PDZRN4: variants seen among roughly 807,000 people sequenced by gnomAD.
The protein encoded by PDZRN4 is PDZ domain containing ring finger 4.
Under a neutral mutation model 99.0 loss-of-function variants are expected in PDZRN4, and 70 were observed. That is an observed-to-expected ratio of 0.71 (90% CI 0.58 to 0.86). The LOEUF is 0.86. Among genes scored for constraint, PDZRN4 ranks in the 40% least tolerant of loss-of-function variants. PDZRN4 has a pLI of 0.00. For missense variants in PDZRN4, 1,474 were observed against 1,331.2 expected, an observed-to-expected ratio of 1.11 and a Z score of -1.67; for synonymous variants, 551 against 501.6, an observed-to-expected ratio of 1.10 and a Z score of -1.32.
At chr12:41,417,342 C>A (rs1311011070) in intron 3 of PDZRN4, among the ~76,000 whole-genome samples, 1 of 152,184 alleles carries the variant, frequency 6.6e-6, no homozygotes, top group Non-Finnish European at 1.5e-5. Context: ...AGTGCCATTG[C>A]TAGCACAAAC....
At chr12:41,194,023 C>T in intron 2 of PDZRN4, 58 bp from the exon 3 acceptor site, 1 of 771,632 alleles carries the variant, frequency 1.3e-6, no homozygotes, top group East Asian at 2.5e-5. Context: ...TAAATTGTCC[C>T]TAATAATATT....
At chr12:41,354,047 A>G (rs1951910310) in intron 3 of PDZRN4, among the ~76,000 whole-genome samples, 1 of 152,128 alleles carries the variant, frequency 6.6e-6, no homozygotes. Context: ...ATGATCATAT[A>G]GGAGAAGTGG....
intron 3 of PDZRN4, among the ~76,000 whole-genome samples, chr12:41,495,001 C>T (rs1342255735): frequency 2.6e-5 from 4 of 152,108 alleles, no homozygotes; most frequent in Non-Finnish European, 5.9e-5. Flanking sequence ...GTTCTACTTT[C>T]TTATGTTAAT....
At chr12:41,484,024 G>T (rs1937727523) in intron 3 of PDZRN4, among the ~76,000 whole-genome samples, 1 of 152,038 alleles carries the variant, frequency 6.6e-6, no homozygotes, top group Non-Finnish European at 1.5e-5. Context: ...CTAAATAGAT[G>T]AAAATATCTC....
chr12:41,188,897 G>T lies in PDZRN4; in HGVS notation c.442G>T (p.Gly148Trp). 9.1e-7 allele frequency: 1 copy of T among 1,093,012 alleles called. No individual in the cohort carries two copies. The highest frequency in any genetic ancestry group is 1.7e-5 in the African/African-American group (1 of 59,650). 67.7% of individuals were successfully genotyped at this position (1,093,012 alleles called of 1,614,324 possible). A position where few individuals can be genotyped will look rare whatever the true frequency, so the allele number is the denominator to read the frequency against. The change falls in exon 1 of 10, where the codon GGG (glycine) becomes TGG (tryptophan). Residue 148 changes from glycine to tryptophan, a missense_variant. Gly to Trp is a radical substitution (Grantham distance 184, BLOSUM62 -2). Coordinates refer to ENST00000402685, the MANE Select transcript of PDZRN4 (RefSeq NM_001164595.2). ...TGGCCGGGGCGGGGGCGCGCGCGGG[G>T]GGCCGCCGGGCGGCCGCTGGGGCCG... ...RAGRGGGARGGPPGGRWGRGR... is the reference protein window; with the variant it reads ...RAGRGGGARGWPPGGRWGRGR...
At chr12:41,340,463 G>T (rs921409237) in intron 3 of PDZRN4, among the ~76,000 whole-genome samples, 1 of 151,800 alleles carries the variant, frequency 6.6e-6, no homozygotes, top group Non-Finnish European at 1.5e-5. Flanking sequence ...AGGAAGTAGG[G>T]ATGGGTAATG....
At chr12:41,280,810 C>T (rs550217369) in intron 3 of PDZRN4, among the ~76,000 whole-genome samples, 11 of 152,290 alleles carry the variant, frequency 7.2e-5, no homozygotes, top group African/African-American at 2.2e-4. Flanking sequence ...AACGTTCATA[C>T]CTGCAGGCTC....
At chr12:41,496,446 C>T (rs1030697949) in intron 3 of PDZRN4, among the ~76,000 whole-genome samples, 4 of 152,052 alleles carry the variant, frequency 2.6e-5, no homozygotes, top group African/African-American at 9.7e-5. Flanking sequence ...AGTAGAGGCT[C>T]ATAGAGTTTC....
chr12:41,420,109 G>T (rs1218835749), intron 3 of PDZRN4, among the ~76,000 whole-genome samples: 1 of 152,112 alleles, frequency 6.6e-6, no homozygotes, highest in Non-Finnish European at 1.5e-5. Flanking sequence ...CTGAGTGCAA[G>T]GATATCTGAA....
chr12:41,465,646 C>A (rs189041925), intron 3 of PDZRN4, among the ~76,000 whole-genome samples: 2 of 152,306 alleles, frequency 1.3e-5, no homozygotes, highest in South Asian at 2.1e-4. Context: ...CTTCCCCTTT[C>A]CTTCTCCCCA....
intron 5 of PDZRN4, among the ~76,000 whole-genome samples, chr12:41,526,368 A>G (rs1938567583): frequency 6.6e-6 from 1 of 152,172 alleles, no homozygotes. Context: ...CTGGTTCACA[A>G]GTGCTGGAGA....
intron 3 of PDZRN4, among the ~76,000 whole-genome samples, chr12:41,416,380 C>A (rs1952445610): frequency 6.6e-6 from 1 of 152,118 alleles, no homozygotes; most frequent in African/African-American, 2.4e-5. Context: ...CACAGTGGCT[C>A]ACACCTGTAA....
chr12:41,459,894 A>G (rs1452793583), intron 3 of PDZRN4: 5 of 1,216,856 alleles, frequency 4.1e-6, no homozygotes, highest in African/African-American at 1.6e-5. Flanking sequence ...GAAAACTTCT[A>G]GAACAATTAC....
At chr12:41,527,299 C>G (rs540329027) in intron 5 of PDZRN4, among the ~76,000 whole-genome samples, 1 of 152,282 alleles carries the variant, frequency 6.6e-6, no homozygotes, top group South Asian at 2.1e-4. Context: ...AAAGACATGA[C>G]TGGACCATGG....
In PDZRN4 at chr12:41,574,556, A is replaced by G. The variant is rs1939547187; in HGVS notation, c.*666A>G. On this transcript the variant is annotated 3_prime_UTR_variant, in exon 10 of 10. Coordinates refer to ENST00000402685, the MANE Select transcript of PDZRN4 (RefSeq NM_001164595.2). ...ATTATGGTAATTGTGACAATTAAAG[A>G]GAAATAAATTATTGATTATCCTTCA... The G allele has an allele frequency of 1.3e-5, 2 of 152,680 alleles. No individual in the cohort carries two copies. Among genetic ancestry groups the G allele is most frequent in the Admixed American group, 6.5e-5 (1 of 15,284 alleles). 9.5% of individuals were successfully genotyped at this position (152,680 alleles called of 1,614,324 possible).
chr12:41,529,213 G>A (rs1938620138), intron 5 of PDZRN4, among the ~76,000 whole-genome samples: 1 of 136,216 alleles, frequency 7.3e-6, no homozygotes, highest in African/African-American at 3.1e-5. Context: ...GCATGCATGT[G>A]CACGTGTGTG....
At chr12:41,423,608 G>A (rs1396541614) in intron 3 of PDZRN4, among the ~76,000 whole-genome samples, 3 of 152,006 alleles carry the variant, frequency 2.0e-5, no homozygotes, top group African/African-American at 4.8e-5. Flanking sequence ...CAGGCATACT[G>A]TCATAAAAAT....
chr12:41,363,742 A>T (rs1196717048), intron 3 of PDZRN4, among the ~76,000 whole-genome samples: 1 of 152,156 alleles, frequency 6.6e-6, no homozygotes, highest in African/African-American at 2.4e-5. Context: ...CTCAGGATGC[A>T]TTTGTTTGGC....
At chr12:41,371,026 C>A (rs952150838) in intron 3 of PDZRN4, among the ~76,000 whole-genome samples, 1 of 150,992 alleles carries the variant, frequency 6.6e-6, no homozygotes, top group Admixed American at 6.6e-5. Context: ...CAGTATCAAC[C>A]GGCTCTCCAT....
Sources: allele counts gnomAD v4.1 joint callset (sites outside exome capture counted in the v4.1 genomes callset), GRCh38; gene constraint gnomAD v4.1.1; transcripts MANE v1.5; gene names NCBI Gene and HGNC (gene_info 2026-07-23, HGNC 2026-07-21).